AACS: variants seen among roughly 807,000 people sequenced by gnomAD.
The protein encoded by AACS is acetoacetyl-CoA synthetase.
Under a neutral mutation model 83.1 loss-of-function variants are expected in AACS, and 69 were observed. The ratio of observed to expected loss-of-function variants is 0.83; its 90% CI spans 0.68 to 1.01. The LOEUF is 1.01. Ranked by LOEUF, AACS falls within the 50% of genes least tolerant of loss-of-function variation. The probability of loss-of-function intolerance (pLI) is 0.00; values close to 1 mark genes in which losing one functional copy is unlikely to be tolerated. For synonymous variants in AACS, 333 were observed against 343.4 expected (o/e 0.97, Z 0.33); for missense variants, 866 against 882.2 (o/e 0.98, Z 0.23).
At chr12:125,105,780 A>G (rs1456343223) in intron 7 of AACS, 1 of 152,236 alleles carries the variant, frequency 6.6e-6, no homozygotes, top group African/African-American at 2.4e-5. Flanking sequence ...CATTCTTAGA[A>G]GAGCTTTAAC....
chr12:125,099,072 A>G (rs1956669575), intron 5 of AACS, among the ~76,000 whole-genome samples: 1 of 152,202 alleles, frequency 6.6e-6, no homozygotes. Flanking sequence ...ACCTTTTGTC[A>G]GTGAGGAAGT....
At chr12:125,072,919 G>GTTTT (rs200182531) in intron 1 of AACS, among the ~76,000 whole-genome samples, 1 of 90,390 alleles carries the variant, frequency 1.1e-5, no homozygotes, top group Non-Finnish European at 2.2e-5. Context: ...TGTAACTTTT[G>GTTTT]TTTTTTTTTT....
Position 125,119,096 on chromosome 12 carries a change from G to A in AACS, c.1121+331G>A, listed in dbSNP as rs190620061. 5.9e-4 allele frequency among the ~76,000 whole-genome samples: 90 copies of A among 152,258 alleles called. No individual in the cohort carries two copies. The South Asian group carries it at 8.5e-3, about 14-fold the overall frequency. On this transcript the variant is annotated intron_variant, in intron 10 of 17. Transcript: ENST00000316519. The stretch of plus-strand genomic sequence containing the variant: ...TTTTTTAGTAAAAATGGTATGTATC[G>A]TAAGGCACGCGGCATGGTATTTTGC...
intron 1 of AACS, among the ~76,000 whole-genome samples, chr12:125,069,837 T>C (rs576132812): frequency 1.3e-5 from 2 of 152,246 alleles, no homozygotes; most frequent in East Asian, 3.9e-4. Context: ...GGGAGAGAGC[T>C]CATGTGAAGA....
intron 3 of AACS, 39 bp from the exon 4 acceptor site, chr12:125,086,291 C>T (rs760690167): frequency 3.3e-5 from 52 of 1,566,818 alleles, no homozygotes; most frequent in East Asian, 1.1e-4. Flanking sequence ...TTTCTTTTTG[C>T]GGTGGTCTGT....
chr12:125,069,041 C>T (rs945944065), intron 1 of AACS, among the ~76,000 whole-genome samples: 1 of 152,100 alleles, frequency 6.6e-6, no homozygotes, highest in Non-Finnish European at 1.5e-5. Flanking sequence ...GGGGGTTTCA[C>T]CATATTGGCC....
At chr12:125,076,793 T>C (rs1454027011) in intron 3 of AACS, among the ~76,000 whole-genome samples, 182 bp downstream of exon 3, 1 of 152,232 alleles carries the variant, frequency 6.6e-6, no homozygotes, top group Non-Finnish European at 1.5e-5. Context: ...TGTGTGGTCA[T>C]GCTTTATGGG....
chr12:125,101,509 G>A (rs150682884), intron 5 of AACS: 1 of 152,164 alleles, frequency 6.6e-6, no homozygotes, highest in Non-Finnish European at 1.5e-5. Flanking sequence ...TGAAGATTCC[G>A]AGAACCAAAA....
In AACS at chr12:125,065,525, G is replaced by A. The variant is rs540650949; in HGVS notation, c.-60G>A. ...CTCCGGTCCCAGGTCCCCGGCCCTC[G>A]CCTCAGCCCCGGCCCCTGGTCCCCA... On this transcript the variant is annotated 5_prime_UTR_variant, in exon 1 of 18. Transcript: ENST00000316519. 59 of 1,399,088 alleles carry A rather than the reference G, an allele frequency of 4.2e-5. No homozygotes were observed. In the South Asian group the frequency reaches 6.5e-4, roughly 15 times the overall value. 86.7% of individuals were successfully genotyped at this position (1,399,088 alleles called of 1,614,324 possible).
At chr12:125,087,281 T>C (rs1374026927) in intron 4 of AACS, among the ~76,000 whole-genome samples, 1 of 152,152 alleles carries the variant, frequency 6.6e-6, no homozygotes, top group Non-Finnish European at 1.5e-5. Flanking sequence ...GTCTTCCCAC[T>C]CTGGGCCGGG....
intron 12 of AACS, chr12:125,126,618 T>A (rs1393207041): frequency 6.6e-6 from 1 of 152,018 alleles, no homozygotes; most frequent in Non-Finnish European, 1.5e-5. Flanking sequence ...TTTGCTCTGT[T>A]GCCCAGCCTG....
At chr12:125,076,153 C>T (rs1004555159) in intron 2 of AACS, among the ~76,000 whole-genome samples, 1 of 152,212 alleles carries the variant, frequency 6.6e-6, no homozygotes, top group African/African-American at 2.4e-5. Context: ...GCTTGCTCTC[C>T]TGGTTTCCAT....
At position 125,097,966 on chromosome 12, in the gene AACS, C is replaced by T. The variant is rs192826547; in HGVS notation, c.571-4713C>T. Among the ~76,000 whole-genome samples, 20 of 152,344 alleles carry T rather than the reference C, an allele frequency of 1.3e-4. No individual in the cohort carries two copies. Among genetic ancestry groups the T allele is most frequent in the Middle Eastern group, 3.4e-3 (1 of 294 alleles). ...AGGCACTGCCATCTCTCACGCGTGCCGTCGTAGTAGCTTCCGACCAGTCTC... is the reference window on the plus strand; with the variant it reads ...AGGCACTGCCATCTCTCACGCGTGCTGTCGTAGTAGCTTCCGACCAGTCTC... On this transcript the variant is annotated intron_variant, in intron 5 of 17. Transcript: ENST00000316519. The surrounding 1 kb of genome is among the most constrained non-coding windows in gnomAD (Gnocchi z 4.3).
intron 5 of AACS, 94 bp downstream of exon 5, chr12:125,091,617 G>A: frequency 7.7e-7 from 1 of 1,294,924 alleles, no homozygotes; most frequent in South Asian, 1.2e-5. Context: ...GAGCCGGACA[G>A]CAGCGTGAGC....
At position 125,107,265 on chromosome 12, in the gene AACS, T is replaced by C. The variant is rs779982775; in HGVS notation, c.912T>C (p.Ala304=). ...CACCCAAGTGCATGGTGCATTCCGC[T>C]GGGGTAGGTCTCTGGGGAAGGCTCT... The part of the protein sequence containing the change: ...TGAPKCMVHS[A]GGTLIQHLKE... The change falls in exon 8 of 18, where the codon GCT becomes GCC. Residue 304 remains alanine (A), a synonymous_variant. Coordinates refer to ENST00000316519, the MANE Select transcript of AACS (RefSeq NM_023928.5). 7 of 1,613,416 alleles carry C rather than the reference T, an allele frequency of 4.3e-6. No homozygotes were observed. Among genetic ancestry groups the C allele is most frequent in the Non-Finnish European group, 5.1e-6 (6 of 1,179,976 alleles).
Position 125,128,250 on chromosome 12 carries a change from G to A in AACS, c.1399G>A (p.Ala467Thr). 1.2e-6 allele frequency: 2 copies of A among 1,612,676 alleles called. No individual in the cohort carries two copies. The highest frequency in any genetic ancestry group is 1.7e-6 in the Non-Finnish European group (2 of 1,179,004). ...GEIQARNLGMAVEAWNEEGKA... is the reference protein window; with the variant it reads ...GEIQARNLGMTVEAWNEEGKA... ...GATTCAGGCCCGGAACCTGGGCATG[G>A]CCGTGGAAGCGTGGAACGAGGAAGG... Residue 467 changes from alanine (A) to threonine (T), a missense_variant, in exon 13 of 18, where the codon GCC (alanine) becomes ACC (threonine). Physicochemically the swap from Ala to Thr is moderately conservative, Grantham distance 58 (BLOSUM62 0). Coordinates refer to ENST00000316519, the MANE Select transcript of AACS (RefSeq NM_023928.5).
At chr12:125,137,794 G>T (rs755736408) in intron 17 of AACS, among the ~76,000 whole-genome samples, 1 of 152,184 alleles carries the variant, frequency 6.6e-6, no homozygotes, top group African/African-American at 2.4e-5. Context: ...ACAGTGGCAG[G>T]CTGTATTTGA....
intron 7 of AACS, among the ~76,000 whole-genome samples, chr12:125,104,006 A>AAAAAG (rs1956778968): frequency 1.4e-5 from 2 of 140,040 alleles, no homozygotes; most frequent in Admixed American, 1.4e-4. Flanking sequence ...AAAAAAAAAA[A>AAAAAG]AAAAAAAAAA....
chr12:125,074,812 C>T (rs990199194), intron 2 of AACS, among the ~76,000 whole-genome samples: 1 of 151,288 alleles, frequency 6.6e-6, no homozygotes, highest in African/African-American at 2.4e-5. Flanking sequence ...TACAGTCATG[C>T]ACCACCACGC....
Sources: allele counts gnomAD v4.1 joint callset (sites outside exome capture counted in the v4.1 genomes callset), GRCh38; gene constraint gnomAD v4.1.1; non-coding constraint Gnocchi (gnomAD v3.1); transcripts MANE v1.5; gene names NCBI Gene and HGNC (gene_info 2026-07-23, HGNC 2026-07-21).